The following GTSE1 variants were observed in gnomAD, a reference collection of about 807,000 sequenced individuals.
GTSE1 encodes G2 and S-phase expressed 1.
In GTSE1, 52 loss-of-function variants were observed where a neutral mutation model predicts 60.5. The observed-to-expected ratio is 0.86, with a 90% CI of 0.69 to 1.08. GTSE1 has a LOEUF of 1.08. GTSE1 is among the 50% of genes least tolerant of loss of function. GTSE1 has a pLI of 0.00. For synonymous variants in GTSE1, 368 were observed against 386.5 expected (o/e 0.95, Z 0.56); for missense variants, 937 against 961.8 (o/e 0.97, Z 0.34).
chr22:46,323,649 C>T (rs2077826786), intron 8 of GTSE1, among the ~76,000 whole-genome samples: 1 of 152,190 alleles, frequency 6.6e-6, no homozygotes, highest in Admixed American at 6.5e-5. Context: ...ACTTGTACCG[C>T]AGTTGAAGAG....
At chr22:46,303,329 T>G (rs1265899910) in intron 2 of GTSE1, among the ~76,000 whole-genome samples, 1 of 152,258 alleles carries the variant, frequency 6.6e-6, no homozygotes, top group African/African-American at 2.4e-5. Flanking sequence ...AAACGAAGTA[T>G]TTTCTTCCAT....
In GTSE1 at chr22:46,297,728, C is replaced by G. The variant is rs1252552957; in HGVS notation, c.79+249C>G. Among the ~76,000 whole-genome samples the G allele has an allele frequency of 6.6e-6, 1 of 152,196 alleles. No homozygotes were observed. Among genetic ancestry groups the G allele is most frequent in the Non-Finnish European group, 1.5e-5 (1 of 68,034 alleles). Reference sequence around the variant, plus strand: ...CCCATGCCCTGAACAGCACCTAACACTTTGTGGGCTCTCAAATATTTATTG... The same window carrying G: ...CCCATGCCCTGAACAGCACCTAACAGTTTGTGGGCTCTCAAATATTTATTG... On this transcript the variant is annotated intron_variant, in intron 2 of 11. Coordinates refer to ENST00000454366, the MANE Select transcript of GTSE1 (RefSeq NM_016426.7). The surrounding 1 kb of genome is among the most constrained non-coding windows in gnomAD (Gnocchi z 4.9).
chr22:46,305,793 G>A (rs2049967473), intron 2 of GTSE1, among the ~76,000 whole-genome samples: 1 of 151,342 alleles, frequency 6.6e-6, no homozygotes, highest in African/African-American at 2.4e-5. Flanking sequence ...TGTAATCCCA[G>A]CTACTCAGGA....
rs546093716 is a variant in GTSE1, at chr22:46,307,006, C to T, written c.80-1144C>T. 2.0e-5 allele frequency among the ~76,000 whole-genome samples: 3 copies of T among 152,264 alleles called. No individual in the cohort carries two copies. In the East Asian group the frequency reaches 5.8e-4, roughly 29 times the overall value. Reference sequence around the variant, plus strand: ...AAGGGTCAAGAGGCACTCACAGAGGCTAGTGCAGTGGTAGAAGTGAGGTCC... The same window carrying T: ...AAGGGTCAAGAGGCACTCACAGAGGTTAGTGCAGTGGTAGAAGTGAGGTCC... On this transcript the variant is annotated intron_variant, in intron 2 of 11. Transcript: ENST00000454366.
At chr22:46,315,895 G>A (rs2077776220) in intron 6 of GTSE1, 137 bp from the exon 7 acceptor site, 1 of 650,708 alleles carries the variant, frequency 1.5e-6, no homozygotes. Context: ...TGATGATGTT[G>A]CCTGAAGGGC....
rs2077759989 is a variant in GTSE1 at position 46,313,397 on chromosome 22, C to T, written c.928-493C>T. On this transcript the variant is annotated intron_variant, in intron 5 of 11. Transcript: ENST00000454366. The surrounding 1 kb of genome is among the most constrained non-coding windows in gnomAD (Gnocchi z 4.4). ...TCTGCTAGCTCCCTAATGTGGTCCT[C>T]ATGCAGGGGTTTGAAGACTACACTT... Among the ~76,000 whole-genome samples, 1 of 152,118 alleles carries T rather than the reference C, an allele frequency of 6.6e-6. No individual in the cohort carries two copies. The highest frequency in any genetic ancestry group is 1.5e-5 in the Non-Finnish European group (1 of 68,028).
In GTSE1 at chr22:46,329,289, C is replaced by A; in HGVS notation, c.1927-69C>A. On this transcript the variant is annotated intron_variant, in intron 10 of 11. Transcript: ENST00000454366. This position sits in a 1 kb window ranked among gnomAD's most constrained non-coding sequence, Gnocchi z 6.4. The stretch of plus-strand genomic sequence containing the variant: ...CAGCCCACCTGGAACATGAGCAAAG[C>A]TCACATTCTCCCAAGATGGTTGCCA... 7.8e-7 allele frequency: 1 copy of A among 1,284,736 alleles called. No individual in the cohort carries two copies. Among genetic ancestry groups the A allele is most frequent in the Non-Finnish European group, 1.1e-6 (1 of 885,654 alleles). The allele number at this position is 1,284,736 out of a possible 1,614,324, so 79.6% of individuals were successfully genotyped here. A position where few individuals can be genotyped will look rare whatever the true frequency, so the allele number is the denominator to read the frequency against.
intron 2 of GTSE1, among the ~76,000 whole-genome samples, chr22:46,299,593 A>G (rs1281641358): frequency 6.6e-6 from 1 of 152,168 alleles, no homozygotes; most frequent in East Asian, 1.9e-4. Context: ...GAATCCATCT[A>G]CAGACTCTCC....
rs749442099 is a variant in GTSE1, at chr22:46,308,147, T to C, written c.80-3T>C. ...AAAATAACAGTGGATTTTTTCCCTC[T>C]AGACATTCTTCTTTTGGCCGATGAA... On this transcript the variant is annotated splice_region_variant and splice_polypyrimidine_tract_variant and intron_variant, in intron 2 of 11. Transcript: ENST00000454366. 5.0e-6 allele frequency: 8 copies of C among 1,604,420 alleles called. No homozygotes were observed. The highest frequency in any genetic ancestry group is 6.0e-6 in the Non-Finnish European group (7 of 1,171,170).
rs1361017331 is a variant in GTSE1 at position 46,304,392 on chromosome 22, C to T, written c.80-3758C>T. 6.6e-6 allele frequency among the ~76,000 whole-genome samples: 1 copy of T among 152,116 alleles called. No individual in the cohort carries two copies. The highest frequency in any genetic ancestry group is 3.2e-3 in the Middle Eastern group (1 of 316). On this transcript the variant is annotated intron_variant, in intron 2 of 11. Coordinates refer to ENST00000454366, the MANE Select transcript of GTSE1 (RefSeq NM_016426.7). This position sits in a 1 kb window ranked among gnomAD's most constrained non-coding sequence, Gnocchi z 4.4. ...TAGAAGGAATACTTCTGACGTTATCCCACTGAACCTAATGCTGGCTTTGGG... is the reference window on the plus strand; with the variant it reads ...TAGAAGGAATACTTCTGACGTTATCTCACTGAACCTAATGCTGGCTTTGGG...
chr22:46,303,950 A>AG (rs1227642010), intron 2 of GTSE1, among the ~76,000 whole-genome samples: 4 of 152,138 alleles, frequency 2.6e-5, no homozygotes, highest in African/African-American at 9.7e-5. Context: ...GCCAGGGAGC[A>AG]GGGCCCCAGC....
chr22:46,303,122 G>A (rs1270172766), intron 2 of GTSE1, among the ~76,000 whole-genome samples: 1 of 151,326 alleles, frequency 6.6e-6, no homozygotes, highest in Admixed American at 6.6e-5. Flanking sequence ...GGATGGTCTC[G>A]ATCTCCTGAC....
chr22:46,310,104 C>T lies in GTSE1; in HGVS notation c.762+1161C>T, dbSNP rs149723760. 9.8e-5 allele frequency among the ~76,000 whole-genome samples: 15 copies of T among 152,336 alleles called. No homozygotes were observed. Among genetic ancestry groups the T allele is most frequent in the African/African-American group, 3.1e-4 (13 of 41,582 alleles). On this transcript the variant is annotated intron_variant, in intron 4 of 11. Transcript: ENST00000454366. This position sits in a 1 kb window ranked among gnomAD's most constrained non-coding sequence, Gnocchi z 4.4. Reference sequence around the variant, plus strand: ...ACTCATGCACACGTGGGAGCCCCACCATGTCCTGCATGTTTCTCTGGGAGA... The same window carrying T: ...ACTCATGCACACGTGGGAGCCCCACTATGTCCTGCATGTTTCTCTGGGAGA...
Position 46,310,295 on chromosome 22 carries a change from T to A in GTSE1, c.762+1352T>A, listed in dbSNP as rs1424355272. On this transcript the variant is annotated intron_variant, in intron 4 of 11. Coordinates refer to ENST00000454366, the MANE Select transcript of GTSE1 (RefSeq NM_016426.7). This position sits in a 1 kb window ranked among gnomAD's most constrained non-coding sequence, Gnocchi z 4.4. The stretch of plus-strand genomic sequence containing the variant: ...AAAATAACAGGTGTTATTTTGAGGA[T>A]GAGGATGTTGTGGAGGATGAGGAGA... Among the ~76,000 whole-genome samples the A allele has an allele frequency of 2.0e-5, 3 of 152,058 alleles. No homozygotes were observed. Among genetic ancestry groups the A allele is most frequent in the Admixed American group, 6.6e-5 (1 of 15,256 alleles).
chr22:46,306,925 G>A (rs147800760), intron 2 of GTSE1, among the ~76,000 whole-genome samples: 1 of 152,312 alleles, frequency 6.6e-6, no homozygotes, highest in Non-Finnish European at 1.5e-5. Context: ...TGGGAATTTG[G>A]GTTAGTGTTA....
chr22:46,322,665 C>A (rs1022778468), intron 7 of GTSE1, among the ~76,000 whole-genome samples: 1 of 152,134 alleles, frequency 6.6e-6, no homozygotes, highest in Non-Finnish European at 1.5e-5. Context: ...CAGATGAGAT[C>A]ATACACATGG....
chr22:46,326,284 G>C, intron 8 of GTSE1, 152 bp from the exon 9 acceptor site: 1 of 624,272 alleles, frequency 1.6e-6, no homozygotes, highest in African/African-American at 1.9e-5. Flanking sequence ...CTTGGGGCCT[G>C]TCCCAGGAGA....
chr22:46,314,021 A>C lies in GTSE1; in HGVS notation c.1051+8A>C. ...CCCCAGCAGTGGGCAAAGGTGAGGC[A>C]GCCGGCATCATGCTTGGACCCACAT... On this transcript the variant is annotated splice_region_variant and intron_variant, in intron 6 of 11. Coordinates refer to ENST00000454366, the MANE Select transcript of GTSE1 (RefSeq NM_016426.7). The surrounding 1 kb of genome is among the most constrained non-coding windows in gnomAD (Gnocchi z 7.1). 2.5e-6 allele frequency: 4 copies of C among 1,613,802 alleles called. No homozygotes were observed. The highest frequency in any genetic ancestry group is 1.1e-5 in the South Asian group (1 of 91,084).
rs1456648006 is a variant in GTSE1, at chr22:46,309,725, C to T, written c.762+782C>T. 6.6e-6 allele frequency among the ~76,000 whole-genome samples: 1 copy of T among 152,186 alleles called. No homozygotes were observed. The highest frequency in any genetic ancestry group is 2.4e-5 in the African/African-American group (1 of 41,446). ...GTGAGAGCCAAGGATGGAAGGCAGCCGAGGTGCAGCCGCCACGCCACACAC... is the reference window on the plus strand; with the variant it reads ...GTGAGAGCCAAGGATGGAAGGCAGCTGAGGTGCAGCCGCCACGCCACACAC... On this transcript the variant is annotated intron_variant, in intron 4 of 11. Transcript: ENST00000454366. This position sits in a 1 kb window ranked among gnomAD's most constrained non-coding sequence, Gnocchi z 6.2.
Sources: gnomAD v4.1 joint callset for allele counts (sites outside exome capture counted in the v4.1 genomes callset) on GRCh38, gnomAD v4.1.1 for gene constraint, Gnocchi (gnomAD v3.1) non-coding constraint, MANE v1.5 for transcripts, NCBI Gene and HGNC (gene_info 2026-07-23, HGNC 2026-07-21) for gene names.